GSE1: variants seen among roughly 807,000 people sequenced by gnomAD.
The protein encoded by GSE1 is genetic suppressor element 1.
Under a neutral mutation model 112.6 loss-of-function variants are expected in GSE1, and 32 were observed. That is an observed-to-expected ratio of 0.28 (90% confidence interval 0.21 to 0.38). The LOEUF (loss-of-function observed/expected upper bound fraction) is 0.38, where lower values mean the gene tolerates loss of function less well. Ranked by LOEUF, GSE1 falls within the 10% of genes least tolerant of loss-of-function variation. The pLI is 1.00. For missense variants in GSE1, 2,348 were observed against 1,699.2 expected, an observed-to-expected ratio of 1.38 and a Z score of -6.71; for synonymous variants, 1,115 against 735.6, an observed-to-expected ratio of 1.52 and a Z score of -8.35.
At chr16:85,652,238 C>A (rs906454543) in intron 3 of GSE1, among the ~76,000 whole-genome samples, 4 of 152,242 alleles carry the variant, frequency 2.6e-5, no homozygotes, top group African/African-American at 9.6e-5. Context: ...GGGCACATGC[C>A]ATTGATGTGT....
chr16:85,464,446 C>T (rs932083704), intron 2 of GSE1, among the ~76,000 whole-genome samples: 3 of 152,244 alleles, frequency 2.0e-5, no homozygotes, highest in Non-Finnish European at 2.9e-5. Flanking sequence ...CGGCTCCCCT[C>T]TGCCTGGCTT....
intron 2 of GSE1, among the ~76,000 whole-genome samples, chr16:85,474,398 C>A (rs2050387949): frequency 6.6e-6 from 1 of 152,164 alleles, no homozygotes; most frequent in Non-Finnish European, 1.5e-5. Flanking sequence ...CAGAGGAGAA[C>A]AGCTGGAGGT....
rs547995121 is a variant in GSE1, at chr16:85,622,671, T to C, written c.7+9273T>C. On this transcript the variant is annotated intron_variant, in intron 1 of 15. Coordinates refer to ENST00000253458, the MANE Select transcript of GSE1 (RefSeq NM_014615.5). The stretch of plus-strand genomic sequence containing the variant: ...TGCAAAGGCGGATGTAACTGTTTTA[T>C]GACTTGAGGGGCAAGTCCTGACTTG... Among the ~76,000 whole-genome samples the C allele has an allele frequency of 1.9e-4, 29 of 152,366 alleles. No homozygotes were observed. The South Asian group carries it at 2.7e-3, about 14-fold the overall frequency.
chr16:85,661,417 C>A lies in GSE1; in HGVS notation c.1912C>A (p.Pro638Thr), dbSNP rs143159683. The A allele has an allele frequency of 2.2e-5, 36 of 1,612,208 alleles. No homozygotes were observed. In the East Asian group the frequency reaches 7.4e-4, roughly 33 times the overall value. ...CTGCCCGGAGAAAGCAGAGGAGGGG[C>A]CACGGAAGCGTGAGCCTGCCCCTCT... ...VFCPEKAEEG[P>T]RKREPAPLDK... Residue 638 changes from proline (P) to threonine (T), a missense_variant, in exon 9 of 16, where the codon CCA becomes ACA. Coordinates refer to ENST00000253458, the MANE Select transcript of GSE1 (RefSeq NM_014615.5).
At chr16:85,267,337 C>G (rs1217346042) in intron 1 of GSE1, among the ~76,000 whole-genome samples, 2 of 152,294 alleles carry the variant, frequency 1.3e-5, no homozygotes, top group South Asian at 2.1e-4. Flanking sequence ...AGTGGACCAG[C>G]TTTTCCACCC....
intron 2 of GSE1, among the ~76,000 whole-genome samples, chr16:85,518,117 C>G (rs1193156827): frequency 6.6e-6 from 1 of 152,216 alleles, no homozygotes; most frequent in Admixed American, 6.5e-5. Context: ...GCCAGGCTAT[C>G]ACTGCCCTGC....
chr16:85,531,675 G>C (rs2151184060), intron 2 of GSE1, among the ~76,000 whole-genome samples: 1 of 152,366 alleles, frequency 6.6e-6, no homozygotes, highest in East Asian at 1.9e-4. Flanking sequence ...TTTGTGTGAA[G>C]TTGTGTTTAT....
intron 1 of GSE1, among the ~76,000 whole-genome samples, chr16:85,271,228 C>T (rs920127195): frequency 5.9e-5 from 9 of 152,062 alleles, no homozygotes; most frequent in Admixed American, 6.5e-5. Flanking sequence ...GTCCCAGAGC[C>T]CCCAAGCAGG....
chr16:85,452,615 C>G (rs776768360), intron 2 of GSE1, among the ~76,000 whole-genome samples: 1 of 152,186 alleles, frequency 6.6e-6, no homozygotes, highest in African/African-American at 2.4e-5. Flanking sequence ...TCGGAATCCC[C>G]TGCCCCAGTG....
In GSE1 at chr16:85,560,622, A is replaced by G. The variant is rs74031840; in HGVS notation, c.37+4259A>G. Among the ~76,000 whole-genome samples, 595 of 152,196 alleles carry G rather than the reference A, an allele frequency of 3.9e-3. 4 individuals carry two copies. The highest frequency in any genetic ancestry group is 0.013 in the African/African-American group (524 of 41,510). ...ATGGGGCTGGTGAGTGGGAGGGCAC[A>G]AGCTGTGGCCTCCACCTTCCTGCAA... On this transcript the variant is annotated intron_variant, in intron 1 of 2. Transcript: ENST00000635906.
intron 2 of GSE1, among the ~76,000 whole-genome samples, chr16:85,483,044 C>G (rs1235372000): frequency 6.6e-6 from 1 of 152,008 alleles, no homozygotes; most frequent in Non-Finnish European, 1.5e-5. Flanking sequence ...TGGAAGATTC[C>G]ACACATAAGG....
chr16:85,238,508 C>T (rs185894079), intron 1 of GSE1, among the ~76,000 whole-genome samples: 179 of 152,214 alleles, frequency 1.2e-3, no homozygotes, highest in Admixed American at 1.6e-3. Context: ...CTGGCCTCGG[C>T]GTGTGTCCTG....
chr16:85,620,775 T>C (rs906785523), intron 1 of GSE1, among the ~76,000 whole-genome samples: 3 of 152,238 alleles, frequency 2.0e-5, no homozygotes, highest in African/African-American at 7.2e-5. Flanking sequence ...GTCTCTGCTC[T>C]GTTGAGGAAC....
At chr16:85,458,838 C>A (rs1026292949) in intron 2 of GSE1, among the ~76,000 whole-genome samples, 1 of 152,176 alleles carries the variant, frequency 6.6e-6, no homozygotes, top group African/African-American at 2.4e-5. Flanking sequence ...TTCAGGGAGC[C>A]TGGGGCCTCC....
At chr16:85,556,532 C>T (rs1169338578) in intron 1 of GSE1, among the ~76,000 whole-genome samples, 1 of 151,472 alleles carries the variant, frequency 6.6e-6, no homozygotes, top group African/African-American at 2.4e-5. Flanking sequence ...CGGTCAAGCC[C>T]GCGGTGTGCG....
At chr16:85,253,869 C>G (rs555718374) in intron 1 of GSE1, among the ~76,000 whole-genome samples, 1 of 150,612 alleles carries the variant, frequency 6.6e-6, no homozygotes, top group Non-Finnish European at 1.5e-5. Flanking sequence ...GCTGTGGGCT[C>G]GGAGGCTGCT....
rs1205793721 is a variant in GSE1, at chr16:85,409,312, C to T, written c.2464+51669C>T. Among the ~76,000 whole-genome samples, 4 of 51,812 alleles carry T rather than the reference C, an allele frequency of 7.7e-5. 1 individual carries two copies. Among genetic ancestry groups the T allele is most frequent in the African/African-American group, 3.7e-4 (4 of 10,718 alleles). 34.0% of individuals were successfully genotyped at this position (51,812 alleles called of 152,430 possible). On this transcript the variant is annotated intron_variant, in intron 2 of 2. Coordinates refer to the GSE1 transcript ENST00000637419. Reference sequence around the variant, plus strand: ...TCCTCACTGTTACACTCAGGGCCCCCCGGATAATCCTCACTGTTACACTCA... The same window carrying T: ...TCCTCACTGTTACACTCAGGGCCCCTCGGATAATCCTCACTGTTACACTCA...
chr16:85,472,642 A>G (rs1470532928), intron 2 of GSE1, among the ~76,000 whole-genome samples: 1 of 152,152 alleles, frequency 6.6e-6, no homozygotes, highest in Non-Finnish European at 1.5e-5. Context: ...GCGGCTCAGG[A>G]CCCGGTCTGG....
Position 85,661,670 on chromosome 16 carries a change from C to G in GSE1, c.2165C>G (p.Pro722Arg), listed in dbSNP as rs2052444633. The G allele has an allele frequency of 1.2e-6, 2 of 1,610,810 alleles. No homozygotes were observed. The highest frequency in any genetic ancestry group is 1.7e-6 in the Non-Finnish European group (2 of 1,179,232). ...YRPPVPRAPDPAYIYDEFLQQ... is the reference protein window; with the variant it reads ...YRPPVPRAPDRAYIYDEFLQQ... The stretch of plus-strand genomic sequence containing the variant: ...CCCCCAGTGCCACGGGCCCCCGACC[C>G]TGCCTACATCTATGATGAGTTCCTG... Residue 722 changes from proline (P) to arginine (R), a missense_variant, in exon 9 of 16, where the codon CCT (proline) becomes CGT (arginine). Transcript: ENST00000253458.
Sources: gnomAD v4.1 joint callset for allele counts (sites outside exome capture counted in the v4.1 genomes callset) on GRCh38, gnomAD v4.1.1 for gene constraint, MANE v1.5 for transcripts, NCBI Gene and HGNC (gene_info 2026-07-23, HGNC 2026-07-21) for gene names.